The following UBXN7 variants were observed in gnomAD, a reference collection of about 807,000 sequenced individuals.
UBXN7 encodes UBX domain protein 7, also known as UBX domain-containing protein 7.
UBXN7 carries 9 observed loss-of-function variants against 58.0 expected under a neutral mutation model. The observed-to-expected ratio is 0.16, with a 90% confidence interval of 0.09 to 0.27. The LOEUF (loss-of-function observed/expected upper bound fraction) is 0.27. UBXN7 is among the 10% of genes least tolerant of loss of function. The pLI is 1.00. For synonymous variants in UBXN7, 208 were observed against 205.0 expected, an observed-to-expected ratio of 1.01 and a Z score of -0.12; for missense variants, 328 against 599.6, an observed-to-expected ratio of 0.55 and a Z score of 4.73.
rs1728215830 is a variant in UBXN7 at position 196,351,577 on chromosome 3, G to C, written c.*5108C>G. On this transcript the variant is annotated 3_prime_UTR_variant, in exon 11 of 11. Transcript: ENST00000296328. ...AATACGCAATCACGGGGAGAGACTG[G>C]AAGCATGAAATTTTGGAAAAGGACT... 1 of 152,162 alleles carries C rather than the reference G, an allele frequency of 6.6e-6. No individual in the cohort carries two copies. Among genetic ancestry groups the C allele is most frequent in the South Asian group, 2.1e-4 (1 of 4,826 alleles). 9.4% of individuals were successfully genotyped at this position (152,162 alleles called of 1,614,324 possible). A position where few individuals can be genotyped will look rare whatever the true frequency, so the allele number is the denominator to read the frequency against.
rs539398164 is a variant in UBXN7, at chr3:196,349,628, T to C, written c.*7057A>G. The C allele has an allele frequency of 6.6e-6, 1 of 152,148 alleles. No individual in the cohort carries two copies. The highest frequency in any genetic ancestry group is 2.1e-4 in the South Asian group (1 of 4,818). 9.4% of individuals were successfully genotyped at this position (152,148 alleles called of 1,614,324 possible). On this transcript the variant is annotated 3_prime_UTR_variant, in exon 11 of 11. Coordinates refer to ENST00000296328, the MANE Select transcript of UBXN7 (RefSeq NM_015562.2). ...GACGGGCACTATGGAACCAGCTACC[T>C]AGATAGAGAGAAAAAAGGAGAATGG...
chr3:196,374,628 C>A (rs1016951474), intron 5 of UBXN7, among the ~76,000 whole-genome samples: 1 of 151,030 alleles, frequency 6.6e-6, no homozygotes, highest in Non-Finnish European at 1.5e-5. Flanking sequence ...CACCTGCAAT[C>A]CCAGCACTTT....
chr3:196,355,314 C>T lies in UBXN7; in HGVS notation c.*1371G>A, dbSNP rs1329972098. ...GAGGACTCCATTTAAGCTCAAAATACGAAATGAGCATAGGGTGAAGTTGAT... is the reference window on the plus strand; with the variant it reads ...GAGGACTCCATTTAAGCTCAAAATATGAAATGAGCATAGGGTGAAGTTGAT... On this transcript the variant is annotated 3_prime_UTR_variant, in exon 11 of 11. Coordinates refer to ENST00000296328, the MANE Select transcript of UBXN7 (RefSeq NM_015562.2). 6.6e-6 allele frequency: 1 copy of T among 152,142 alleles called. No homozygotes were observed. The highest frequency in any genetic ancestry group is 1.5e-5 in the Non-Finnish European group (1 of 68,034). The allele number at this position is 152,142 out of a possible 1,614,324, so 9.4% of individuals were successfully genotyped here. A position where few individuals can be genotyped will look rare whatever the true frequency, so the allele number is the denominator to read the frequency against.
At chr3:196,361,684 T>A (rs554379436) in intron 10 of UBXN7, among the ~76,000 whole-genome samples, 160 bp downstream of exon 10, 49 of 152,340 alleles carry the variant, frequency 3.2e-4, no homozygotes, top group East Asian at 5.8e-4. Flanking sequence ...AAGCTTTTTT[T>A]AATTAAGTTA....
chr3:196,419,606 A>G (rs991562886), intron 1 of UBXN7, among the ~76,000 whole-genome samples: 2 of 152,198 alleles, frequency 1.3e-5, no homozygotes, highest in Admixed American at 1.3e-4. Context: ...TAACTGAAAG[A>G]TAATTAAAGG....
intron 1 of UBXN7, among the ~76,000 whole-genome samples, chr3:196,428,378 C>CA (rs1170984463): frequency 6.6e-6 from 1 of 150,664 alleles, no homozygotes; most frequent in East Asian, 2.0e-4. Flanking sequence ...CACTTGAGCC[C>CA]AGGCGGTAAG....
At chr3:196,365,953 A>ATCC (rs1728652273) in intron 8 of UBXN7, among the ~76,000 whole-genome samples, 1 of 152,208 alleles carries the variant, frequency 6.6e-6, no homozygotes, top group Non-Finnish European at 1.5e-5. Context: ...GAAGAGGAAG[A>ATCC]AATACTTCTC....
Position 196,369,431 on chromosome 3 carries a change from G to T in UBXN7, c.696C>A (p.Asp232Glu). The change falls in exon 7 of 11, where the codon GAC becomes GAA. Residue 232 changes from aspartate to glutamate, a missense_variant. Asp to Glu is a conservative substitution (Grantham distance 45, BLOSUM62 2). Coordinates refer to ENST00000296328, the MANE Select transcript of UBXN7 (RefSeq NM_015562.2). ...TGATATAAATCTTACCTGTCCGTGG[G>T]TCCAATATGGAAACATAGGGGAAAT... ...LGDFPYVSIL[D>E]PRTGQKLVEW... The T allele has an allele frequency of 6.2e-7, 1 of 1,612,028 alleles. No individual in the cohort carries two copies. Among genetic ancestry groups the T allele is most frequent in the Non-Finnish European group, 8.5e-7 (1 of 1,178,548 alleles).
rs1323937963 is a variant in UBXN7 at position 196,368,112 on chromosome 3, G to A, written c.750C>T (p.Phe250=). The stretch of plus-strand genomic sequence containing the variant: ...CCAGAAATCCCGTCACTTGGTCCAA[G>A]AAAGAAGATACATCTAACTGGTGCC... ...VEWHQLDVSS[F]LDQVTGFLGE... is the part of the protein sequence containing the mutation. Residue 250 remains phenylalanine, a synonymous_variant, in exon 8 of 11, where the codon TTC becomes TTT. Coordinates refer to ENST00000296328, the MANE Select transcript of UBXN7 (RefSeq NM_015562.2). 20 of 1,613,918 alleles carry A rather than the reference G, an allele frequency of 1.2e-5. No homozygotes were observed. The highest frequency in any genetic ancestry group is 1.7e-5 in the Non-Finnish European group (20 of 1,179,982).
At chr3:196,423,490 C>A in intron 1 of UBXN7, 1 of 223,792 alleles carries the variant, frequency 4.5e-6, no homozygotes. Flanking sequence ...GGTACTTGTT[C>A]CCCTCCTGCC....
chr3:196,385,728 G>A (rs968450229), intron 5 of UBXN7, among the ~76,000 whole-genome samples: 6 of 151,258 alleles, frequency 4.0e-5, no homozygotes, highest in Non-Finnish European at 7.4e-5. Flanking sequence ...CCCTACGCCC[G>A]GCAGCCGCCC....
intron 7 of UBXN7, 105 bp from the exon 8 acceptor site, chr3:196,368,260 CTCAT>C: frequency 1.7e-6 from 2 of 1,153,732 alleles, no homozygotes; most frequent in Non-Finnish European, 2.3e-6. Flanking sequence ...TCTGAACACT[CTCAT>C]TAAGTATCTC....
intron 6 of UBXN7, 112 bp from the exon 7 acceptor site, chr3:196,369,623 A>G (rs1728763801): frequency 1.4e-6 from 1 of 725,732 alleles, no homozygotes. Context: ...CGGCCTATGT[A>G]TTAAGATCTC....
chr3:196,374,973 GGGAA>G (rs1413657178), intron 5 of UBXN7, among the ~76,000 whole-genome samples: 1 of 28,388 alleles, frequency 3.5e-5, no homozygotes, highest in Admixed American at 3.4e-4. Context: ...AAAGGAAGGA[GGGAA>G]GGAAGGAAGG....
intron 1 of UBXN7, among the ~76,000 whole-genome samples, chr3:196,418,847 G>A (rs1730586860): frequency 6.6e-6 from 1 of 152,172 alleles, no homozygotes; most frequent in Non-Finnish European, 1.5e-5. Flanking sequence ...CAACACTCAG[G>A]GTCCAGAGTT....
At chr3:196,406,179 C>T (rs1730155707) in intron 2 of UBXN7, among the ~76,000 whole-genome samples, 1 of 151,932 alleles carries the variant, frequency 6.6e-6, no homozygotes, top group African/African-American at 2.4e-5. Context: ...ACTACAGTCG[C>T]GTACCACCAC....
intron 5 of UBXN7, among the ~76,000 whole-genome samples, chr3:196,373,574 T>C (rs182742186): frequency 8.7e-4 from 133 of 152,292 alleles, no homozygotes; most frequent in Non-Finnish European, 1.4e-3. Context: ...TTTGGTGTAA[T>C]AACAATCCAA....
At position 196,392,681 on chromosome 3, in the gene UBXN7, T is replaced by C. The variant is rs559158707; in HGVS notation, c.356-756A>G. Among the ~76,000 whole-genome samples, 14 of 152,046 alleles carry C rather than the reference T, an allele frequency of 9.2e-5. No homozygotes were observed. The South Asian group carries it at 1.2e-3, about 14-fold the overall frequency. ...AGCCGGGTGTGGTGGCACAAGCCTG[T>C]AGTCCCAGCTACTTGGGAGGCTGAG... On this transcript the variant is annotated intron_variant, in intron 4 of 10. Coordinates refer to ENST00000296328, the MANE Select transcript of UBXN7 (RefSeq NM_015562.2).
Position 196,349,709 on chromosome 3 carries a change from G to A in UBXN7, c.*6976C>T, listed in dbSNP as rs1305536972. 1 of 152,118 alleles carries A rather than the reference G, an allele frequency of 6.6e-6. No individual in the cohort carries two copies. Among genetic ancestry groups the A allele is most frequent in the Non-Finnish European group, 1.5e-5 (1 of 68,006 alleles). 9.4% of individuals were successfully genotyped at this position (152,118 alleles called of 1,614,324 possible). A position where few individuals can be genotyped will look rare whatever the true frequency, so the allele number is the denominator to read the frequency against. ...CCTTATCAGTTAAGAGTTCCATACT[G>A]AGTCTATGAAAAAAGCAAATTAAAA... On this transcript the variant is annotated 3_prime_UTR_variant, in exon 11 of 11. Transcript: ENST00000296328.
Sources: gnomAD v4.1 joint callset for allele counts (sites outside exome capture counted in the v4.1 genomes callset) on GRCh38, gnomAD v4.1.1 for gene constraint, MANE v1.5 for transcripts, NCBI Gene and HGNC (gene_info 2026-07-23, HGNC 2026-07-21) for gene names.